BANF2: variants seen among roughly 807,000 people sequenced by gnomAD.
The protein encoded by BANF2 is BANF family member 2.
BANF2 carries 4 observed loss-of-function variants against 8.0 expected under a neutral mutation model. The observed-to-expected ratio is 0.50, with a 90% confidence interval of 0.25 to 1.14. The LOEUF is 1.14. Ranked by LOEUF, BANF2 falls within the 50% of genes most tolerant of loss-of-function variation. BANF2 has a pLI of 0.16. For missense variants in BANF2, 96 were observed against 107.5 expected (o/e 0.89, Z 0.47); for synonymous variants, 50 against 40.6 (o/e 1.23, Z -0.88).
intron 1 of BANF2, among the ~76,000 whole-genome samples, chr20:17,718,193 T>C (rs1246193952): frequency 6.6e-6 from 1 of 150,902 alleles, no homozygotes; most frequent in Non-Finnish European, 1.5e-5. Flanking sequence ...GTTGTAGAGG[T>C]GTTCGTTTGT....
chr20:17,722,017 C>A (rs1038826498), intron 1 of BANF2, among the ~76,000 whole-genome samples: 5 of 152,214 alleles, frequency 3.3e-5, no homozygotes, highest in Admixed American at 2.0e-4. Flanking sequence ...CCAGGTGTGA[C>A]AACTCAAGTG....
intron 1 of BANF2, among the ~76,000 whole-genome samples, chr20:17,721,179 G>T (rs1451858485): frequency 6.6e-6 from 1 of 151,992 alleles, no homozygotes. Flanking sequence ...TTTCAGAGGG[G>T]GCTCATCTCA....
chr20:17,729,709 C>A (rs2037864983), intron 3 of BANF2, among the ~76,000 whole-genome samples: 1 of 152,228 alleles, frequency 6.6e-6, no homozygotes, highest in South Asian at 2.1e-4. Flanking sequence ...GCCCTCCAGT[C>A]TGGGTGACAG....
chr20:17,715,687 A>C (rs1007332290), intron 1 of BANF2, among the ~76,000 whole-genome samples: 3 of 152,146 alleles, frequency 2.0e-5, no homozygotes, highest in Non-Finnish European at 4.4e-5. Context: ...CTTTGTGCCC[A>C]GCACAGTGCT....
chr20:17,708,902 C>T (rs778023234), intron 1 of BANF2, among the ~76,000 whole-genome samples: 13 of 152,164 alleles, frequency 8.5e-5, no homozygotes, highest in Non-Finnish European at 1.8e-4. Flanking sequence ...TTTGTCCAAG[C>T]GCATGTTTAC....
chr20:17,700,448 C>T (rs1006196882), intron 1 of BANF2, among the ~76,000 whole-genome samples: 1 of 152,178 alleles, frequency 6.6e-6, no homozygotes, highest in Non-Finnish European at 1.5e-5. Context: ...AATGACACAC[C>T]ACATAGCAGG....
intron 1 of BANF2, among the ~76,000 whole-genome samples, chr20:17,708,132 C>G (rs2037514238): frequency 6.6e-6 from 1 of 150,576 alleles, no homozygotes; most frequent in Admixed American, 6.6e-5. Context: ...GAGGCTGAGA[C>G]AGAAGAATCA....
At chr20:17,700,951 A>G (rs2037399613) in intron 1 of BANF2, among the ~76,000 whole-genome samples, 1 of 152,126 alleles carries the variant, frequency 6.6e-6, no homozygotes, top group Non-Finnish European at 1.5e-5. Flanking sequence ...TTCTCCCACA[A>G]AGGAGTGGCT....
chr20:17,694,311 G>A (rs1013733484), intron 1 of BANF2, among the ~76,000 whole-genome samples: 3 of 152,164 alleles, frequency 2.0e-5, no homozygotes, highest in African/African-American at 7.2e-5. Context: ...AGCCCCAAGA[G>A]ACACTGGAGC....
In BANF2 at chr20:17,735,771, C is replaced by G. The variant is rs1053993; in HGVS notation, c.233C>G (p.Thr78Ser). The change falls in exon 4 of 4, where the codon ACT (threonine) becomes AGT (serine). Residue 78 changes from threonine to serine, a missense_variant. Physicochemically the swap from Thr to Ser is moderately conservative, Grantham distance 58. Coordinates refer to ENST00000246090, the MANE Select transcript of BANF2 (RefSeq NM_178477.5). The part of the protein sequence containing the change: ...FGATECEAQQ[T>S]SHCLKEWCAC... The stretch of plus-strand genomic sequence containing the variant: ...GCCACTGAGTGTGAGGCCCAGCAGA[C>G]TTCTCACTGCCTCAAGGAGTGGTGT... 0.3 allele frequency: 480,822 copies of G among 1,612,946 alleles called. 74,199 individuals carry two copies. The highest frequency in any genetic ancestry group is 0.49 in the African/African-American group (36,468 of 74,830).
At chr20:17,710,221 G>GGA (rs2037548861) in intron 1 of BANF2, among the ~76,000 whole-genome samples, 1 of 152,188 alleles carries the variant, frequency 6.6e-6, no homozygotes, top group Admixed American at 6.5e-5. Flanking sequence ...TGGAAACCAT[G>GGA]AGCCCTGGGG....
chr20:17,708,159 A>G (rs1227007319), intron 1 of BANF2, among the ~76,000 whole-genome samples: 2 of 151,974 alleles, frequency 1.3e-5, no homozygotes, highest in South Asian at 2.1e-4. Flanking sequence ...ACCAGGATGC[A>G]GAGGTTGTGG....
chr20:17,715,733 ATGAG>A (rs1239078653), intron 1 of BANF2, among the ~76,000 whole-genome samples: 2 of 152,190 alleles, frequency 1.3e-5, no homozygotes, highest in African/African-American at 2.4e-5. Context: ...CACTTGTTGG[ATGAG>A]TGAGTGAGTG....
chr20:17,701,035 G>A (rs964982013), intron 1 of BANF2, among the ~76,000 whole-genome samples: 2 of 152,150 alleles, frequency 1.3e-5, no homozygotes, highest in African/African-American at 4.8e-5. Context: ...GGAGGTGGTG[G>A]GGGGTGGATC....
intron 3 of BANF2, among the ~76,000 whole-genome samples, chr20:17,732,523 A>C (rs1322282101): frequency 1.3e-5 from 2 of 152,052 alleles, no homozygotes; most frequent in Non-Finnish European, 1.5e-5. Context: ...TACCAGGCTA[A>C]TTTTTGTATT....
chr20:17,698,157 G>A (rs1413774575), upstream of BANF2, among the ~76,000 whole-genome samples: 4 of 151,890 alleles, frequency 2.6e-5, no homozygotes, highest in South Asian at 4.2e-4. Flanking sequence ...GCAGTGAGCC[G>A]AGATCACGCC....
chr20:17,722,292 T>A (rs1276465312), intron 1 of BANF2, among the ~76,000 whole-genome samples: 2 of 152,274 alleles, frequency 1.3e-5, no homozygotes, highest in East Asian at 3.8e-4. Flanking sequence ...ATGCTGCTGA[T>A]GCATTGATAG....
chr20:17,718,891 T>C (rs975461713), intron 1 of BANF2, among the ~76,000 whole-genome samples: 7 of 152,204 alleles, frequency 4.6e-5, no homozygotes, highest in African/African-American at 1.7e-4. Context: ...CAAAATACAG[T>C]AGGGTCATTG....
In BANF2 at chr20:17,693,788, A is replaced by G. The variant is rs1371975422; in HGVS notation, c.18+82A>G. On this transcript the variant is annotated intron_variant, in intron 1 of 2. Coordinates refer to the BANF2 transcript ENST00000545418. ...GGAGGCAAGGACAAATCACCTGGCT[A>G]GGAGAGGTGTGTCCAGTGGGAGGAG... 2.0e-6 allele frequency: 3 copies of G among 1,484,196 alleles called. No homozygotes were observed. The Admixed American group carries it at 5.9e-5, about 29-fold the overall frequency. 91.9% of individuals were successfully genotyped at this position (1,484,196 alleles called of 1,614,324 possible).
Sources: gnomAD v4.1 joint callset for allele counts (sites outside exome capture counted in the v4.1 genomes callset) on GRCh38, gnomAD v4.1.1 for gene constraint, MANE v1.5 for transcripts, NCBI Gene and HGNC (gene_info 2026-07-23, HGNC 2026-07-21) for gene names.